Variants in PDSS2 observed in about 807,000 individuals in gnomAD.
The protein encoded by PDSS2 is all trans-polyprenyl-diphosphate synthase PDSS2.
PDSS2 carries 31 observed loss-of-function variants against 44.5 expected under a neutral mutation model. The ratio of observed to expected loss-of-function variants is 0.70; its 90% CI spans 0.52 to 0.94. The LOEUF (loss-of-function observed/expected upper bound fraction) is 0.94. Among genes scored for constraint, PDSS2 ranks in the 40% least tolerant of loss-of-function variants. PDSS2 has a pLI of 0.00. For synonymous variants in PDSS2, 157 were observed against 180.3 expected (o/e 0.87, Z 1.03); for missense variants, 452 against 482.2 (o/e 0.94, Z 0.59).
At chr6:107,263,892 T>C (rs1338889735) in intron 3 of PDSS2, among the ~76,000 whole-genome samples, 1 of 152,214 alleles carries the variant, frequency 6.6e-6, no homozygotes, top group African/African-American at 2.4e-5. Context: ...TTTACTGTTA[T>C]ACTATATGAC....
intron 4 of PDSS2, among the ~76,000 whole-genome samples, chr6:107,238,402 T>A (rs937555025): frequency 6.6e-6 from 1 of 152,216 alleles, no homozygotes; most frequent in Non-Finnish European, 1.5e-5. Flanking sequence ...ATGACTTTTT[T>A]ACAGTGAAAG....
At chr6:107,256,395 C>T (rs934343177) in intron 3 of PDSS2, among the ~76,000 whole-genome samples, 2 of 152,148 alleles carry the variant, frequency 1.3e-5, no homozygotes, top group African/African-American at 2.4e-5. Flanking sequence ...GTCACAGATA[C>T]ATCTTGCAAA....
At chr6:107,260,940 G>A (rs1775199056) in intron 3 of PDSS2, among the ~76,000 whole-genome samples, 1 of 152,116 alleles carries the variant, frequency 6.6e-6, no homozygotes, top group African/African-American at 2.4e-5. Flanking sequence ...GGGATTACAG[G>A]CTTGAGCCAT....
At chr6:107,255,109 T>C (rs1467294633) in intron 3 of PDSS2, among the ~76,000 whole-genome samples, 3 of 151,768 alleles carry the variant, frequency 2.0e-5, no homozygotes, top group Admixed American at 6.6e-5. Flanking sequence ...GACTTTGTAT[T>C]CCCAAAGTGC....
At chr6:107,327,873 AC>A (rs1777597467) in intron 2 of PDSS2, among the ~76,000 whole-genome samples, 1 of 152,256 alleles carries the variant, frequency 6.6e-6, no homozygotes, top group African/African-American at 2.4e-5. Flanking sequence ...CACATCCTGA[AC>A]TACAGGTTGC....
intron 1 of PDSS2, among the ~76,000 whole-genome samples, chr6:107,337,126 G>A (rs911733233): frequency 6.0e-5 from 9 of 150,158 alleles, no homozygotes; most frequent in Non-Finnish European, 1.3e-4. Context: ...TTTATACATT[G>A]CTTTCTATAT....
At chr6:107,261,126 G>C (rs1775207317) in intron 3 of PDSS2, among the ~76,000 whole-genome samples, 2 of 152,364 alleles carry the variant, frequency 1.3e-5, no homozygotes, top group Admixed American at 1.3e-4. Flanking sequence ...TGGATAGACA[G>C]CTGATTCCTG....
chr6:107,221,983 C>A (rs1773623310), intron 4 of PDSS2, among the ~76,000 whole-genome samples: 1 of 152,146 alleles, frequency 6.6e-6, no homozygotes, highest in Non-Finnish European at 1.5e-5. Flanking sequence ...AAAAAGTATG[C>A]AAATGTCGCC....
intron 3 of PDSS2, among the ~76,000 whole-genome samples, chr6:107,262,643 G>A (rs768314288): frequency 2.6e-5 from 4 of 152,100 alleles, no homozygotes; most frequent in Non-Finnish European, 4.4e-5. Flanking sequence ...ATGGTGGCAC[G>A]TGCCTGTAGT....
intron 7 of PDSS2, among the ~76,000 whole-genome samples, chr6:107,157,941 G>A (rs1263683800): frequency 6.6e-6 from 1 of 152,054 alleles, no homozygotes; most frequent in Non-Finnish European, 1.5e-5. Flanking sequence ...AAAGTGCTGG[G>A]ATTACAGGCA....
In PDSS2 at chr6:107,283,538, T is replaced by TG. The variant is rs539609850; in HGVS notation, c.432-9312dup. The stretch of plus-strand genomic sequence containing the variant: ...GAGTTCGACACCAGCCTGACCAACT[T>TG]GGAGAAACCCTGTCTCTACTAAAAA... On this transcript the variant is annotated intron_variant, in intron 2 of 7. Transcript: ENST00000369037. Among the ~76,000 whole-genome samples the TG allele has an allele frequency of 2.4e-4, 35 of 146,556 alleles. No individual in the cohort carries two copies. The East Asian group carries it at 6.5e-3, about 27-fold the overall frequency.
At position 107,310,305 on chromosome 6, in the gene PDSS2, A is replaced by AGG. The variant is rs1491191275; in HGVS notation, c.431+23892_431+23893insCC. Among the ~76,000 whole-genome samples the AGG allele has an allele frequency of 2.2e-3, 279 of 125,858 alleles. 2 individuals are homozygous for AGG. Among genetic ancestry groups the AGG allele is most frequent in the Middle Eastern group, 4.5e-3 (1 of 222 alleles). The allele number at this position is 125,858 out of a possible 152,430, so 82.6% of individuals were successfully genotyped here. ...ATCCCAAAAAAAAAAAAAAAAAAAA[A>AGG]GAGAAAGAAATGCAATTGTCTTAAG... On this transcript the variant is annotated intron_variant, in intron 2 of 7. Transcript: ENST00000369037.
intron 4 of PDSS2, among the ~76,000 whole-genome samples, chr6:107,217,350 T>C (rs1243296586): frequency 6.6e-6 from 1 of 152,126 alleles, no homozygotes; most frequent in Admixed American, 6.6e-5. Context: ...GTAATCATAG[T>C]AGTCCTTATA....
At chr6:107,397,586 A>G (rs1169686778) in intron 1 of PDSS2, among the ~76,000 whole-genome samples, 1 of 152,214 alleles carries the variant, frequency 6.6e-6, no homozygotes, top group African/African-American at 2.4e-5. Context: ...TTTGAGTTGC[A>G]AGCTGAATTA....
chr6:107,312,402 G>C (rs946337045), intron 2 of PDSS2, among the ~76,000 whole-genome samples: 2 of 152,198 alleles, frequency 1.3e-5, no homozygotes, highest in African/African-American at 4.8e-5. Flanking sequence ...ATGACCTGCA[G>C]AGGTAGTATA....
chr6:107,455,004 T>G (rs1781990012), intron 1 of PDSS2, among the ~76,000 whole-genome samples: 1 of 152,056 alleles, frequency 6.6e-6, no homozygotes, highest in African/African-American at 2.4e-5. Flanking sequence ...TTTAAATAAT[T>G]TGCAACACAT....
At chr6:107,313,968 T>G (rs1043762921) in intron 2 of PDSS2, among the ~76,000 whole-genome samples, 1 of 151,914 alleles carries the variant, frequency 6.6e-6, no homozygotes, top group African/African-American at 2.4e-5. Flanking sequence ...CTGGGCAACA[T>G]AGCAAGATCC....
chr6:107,445,258 A>G (rs938337703), intron 1 of PDSS2, among the ~76,000 whole-genome samples: 11 of 152,078 alleles, frequency 7.2e-5, no homozygotes, highest in Admixed American at 5.9e-4. Context: ...ACCATTGGGT[A>G]GAGGTTGTAT....
chr6:107,214,305 G>GTGTTAGCCAGGA (rs1773335424), intron 4 of PDSS2, among the ~76,000 whole-genome samples: 1 of 151,614 alleles, frequency 6.6e-6, no homozygotes, highest in Non-Finnish European at 1.5e-5. Flanking sequence ...GGGTTTCACC[G>GTGTTAGCCAGGA]TGGTCTCGAT....
Sources: gnomAD v4.1 joint callset for allele counts (sites outside exome capture counted in the v4.1 genomes callset) on GRCh38, gnomAD v4.1.1 for gene constraint, MANE v1.5 for transcripts, NCBI Gene and HGNC (gene_info 2026-07-23, HGNC 2026-07-21) for gene names.